RBFOX1: variants seen among roughly 807,000 people sequenced by gnomAD.
RBFOX1 encodes the protein RNA binding fox-1 homolog 1.
In RBFOX1, 8 loss-of-function variants were observed where a neutral mutation model predicts 57.7. That is an observed-to-expected ratio of 0.14 (90% CI 0.08 to 0.25). RBFOX1 has a LOEUF of 0.25. Ranked by LOEUF, RBFOX1 falls within the 10% of genes least tolerant of loss-of-function variation. The pLI is 1.00. For missense variants in RBFOX1, 611 were observed against 548.5 expected, an observed-to-expected ratio of 1.11 and a Z score of -1.14; for synonymous variants, 326 against 222.4, an observed-to-expected ratio of 1.47 and a Z score of -4.15.
intron 1 of RBFOX1, among the ~76,000 whole-genome samples, chr16:5,323,214 C>A (rs2049695): frequency 1 from 152,013 of 152,390 alleles, 75,820 homozygotes; most frequent in Non-Finnish European, 1. Context: ...GACTCAGTAC[C>A]TATGAGTAAA....
rs1267473146 is a variant in RBFOX1, at chr16:5,856,557, G to GTA, written c.319-10745_319-10744insAT. 5.1e-4 allele frequency among the ~76,000 whole-genome samples: 30 copies of GTA among 58,666 alleles called. 1 individual carries two copies. Among genetic ancestry groups the GTA allele is most frequent in the African/African-American group, 1.7e-3 (26 of 15,146 alleles). 38.5% of individuals were successfully genotyped at this position (58,666 alleles called of 152,430 possible). ...TGTGTATGTGTGTGTGTGTGTGTGT[G>GTA]TGTGTATGTGTGTGTGTGTATATAT... On this transcript the variant is annotated intron_variant, in intron 3 of 19. Coordinates refer to the RBFOX1 transcript ENST00000641259.
At chr16:5,639,834 T>C (rs1002662840) in intron 3 of RBFOX1, among the ~76,000 whole-genome samples, 38 of 152,204 alleles carry the variant, frequency 2.5e-4, no homozygotes, top group African/African-American at 9.2e-4. Flanking sequence ...GTTATGATTG[T>C]GAGTTTCTTC....
chr16:6,636,841 A>G (rs1567982307), intron 2 of RBFOX1, among the ~76,000 whole-genome samples: 2 of 122,604 alleles, frequency 1.6e-5, no homozygotes, highest in Non-Finnish European at 1.6e-5. Context: ...TATATAATAT[A>G]TAATATATAT....
At chr16:6,857,990 A>T (rs1042469802) in intron 3 of RBFOX1, among the ~76,000 whole-genome samples, 1 of 152,176 alleles carries the variant, frequency 6.6e-6, no homozygotes, top group African/African-American at 2.4e-5. Context: ...TGAGAGGGAG[A>T]TTCTAAACCA....
At chr16:7,160,512 TATAC>T (rs1417141828) in intron 4 of RBFOX1, among the ~76,000 whole-genome samples, 2 of 152,200 alleles carry the variant, frequency 1.3e-5, no homozygotes, top group Non-Finnish European at 2.9e-5. Flanking sequence ...TAAAAACTGT[TATAC>T]ATATTTTTTT....
intron 2 of RBFOX1, among the ~76,000 whole-genome samples, chr16:6,598,877 T>A (rs7201908): frequency 1.3e-5 from 2 of 152,208 alleles, no homozygotes; most frequent in East Asian, 3.9e-4. Flanking sequence ...ATCCAGGAGA[T>A]GGAAGTTACA....
chr16:7,465,804 C>T (rs1301518871), intron 4 of RBFOX1, among the ~76,000 whole-genome samples: 2 of 152,128 alleles, frequency 1.3e-5, no homozygotes, highest in Non-Finnish European at 2.9e-5. Context: ...AACAGGCAAC[C>T]CAGGTAATTC....
At chr16:6,133,912 C>G (rs931036179) in intron 1 of RBFOX1, among the ~76,000 whole-genome samples, 4 of 151,802 alleles carry the variant, frequency 2.6e-5, no homozygotes, top group East Asian at 1.9e-4. Context: ...GGACATTCCT[C>G]TTTTATATAA....
intron 1 of RBFOX1, among the ~76,000 whole-genome samples, chr16:6,040,534 G>C (rs968970580): frequency 1.3e-5 from 2 of 152,004 alleles, no homozygotes; most frequent in Non-Finnish European, 2.9e-5. Context: ...GCAAGTGTGA[G>C]GGTGTGAATT....
intron 4 of RBFOX1, among the ~76,000 whole-genome samples, chr16:7,506,387 C>A (rs1356386706): frequency 6.6e-6 from 1 of 151,866 alleles, no homozygotes; most frequent in African/African-American, 2.4e-5. Context: ...TCCCACCTAG[C>A]TTGAAAAAGA....
chr16:7,396,441 C>T (rs2098140283), intron 4 of RBFOX1, among the ~76,000 whole-genome samples: 2 of 151,990 alleles, frequency 1.3e-5, no homozygotes, highest in African/African-American at 4.8e-5. Context: ...CACAGACTCC[C>T]ACCCTGAAGG....
At chr16:5,812,976 TATAC>T (rs1247576544) in intron 3 of RBFOX1, among the ~76,000 whole-genome samples, 2 of 152,034 alleles carry the variant, frequency 1.3e-5, no homozygotes, top group African/African-American at 4.8e-5. Flanking sequence ...TTGTGATACA[TATAC>T]ATAACATAAA....
intron 4 of RBFOX1, among the ~76,000 whole-genome samples, chr16:7,143,123 T>C (rs1051149724): frequency 1.3e-5 from 2 of 152,126 alleles, no homozygotes; most frequent in Non-Finnish European, 2.9e-5. Flanking sequence ...TCCATTTATT[T>C]TTATGTTGGG....
chr16:6,548,874 G>C (rs1191916678), intron 2 of RBFOX1, among the ~76,000 whole-genome samples: 1 of 151,754 alleles, frequency 6.6e-6, no homozygotes, highest in African/African-American at 2.4e-5. Flanking sequence ...TCAGGAGTTG[G>C]AGACCAGCCT....
intron 4 of RBFOX1, among the ~76,000 whole-genome samples, chr16:7,151,513 T>G (rs1393614012): frequency 6.6e-6 from 1 of 152,160 alleles, no homozygotes; most frequent in Non-Finnish European, 1.5e-5. Flanking sequence ...CAGGGCTACT[T>G]GTAGCCTCTA....
At chr16:6,375,608 A>G (rs1002221518) in intron 2 of RBFOX1, among the ~76,000 whole-genome samples, 1 of 152,058 alleles carries the variant, frequency 6.6e-6, no homozygotes, top group Non-Finnish European at 1.5e-5. Flanking sequence ...TAATGTGTGG[A>G]ATCATGTGAT....
chr16:7,190,047 G>A (rs1404279130), intron 4 of RBFOX1, among the ~76,000 whole-genome samples: 2 of 152,160 alleles, frequency 1.3e-5, no homozygotes, highest in Admixed American at 1.3e-4. Context: ...TACTGGCAGG[G>A]CTAGCACAGT....
chr16:7,254,854 G>C (rs554641606), intron 4 of RBFOX1, among the ~76,000 whole-genome samples: 4 of 152,126 alleles, frequency 2.6e-5, no homozygotes, highest in Non-Finnish European at 5.9e-5. Flanking sequence ...GAGTGATTTT[G>C]GTCTGAAATA....
intron 5 of RBFOX1, among the ~76,000 whole-genome samples, chr16:7,540,999 A>G (rs1257903239): frequency 6.6e-6 from 1 of 152,172 alleles, no homozygotes; most frequent in Non-Finnish European, 1.5e-5. Context: ...TCAGAGGTTC[A>G]AGTGAGAGAC....
Sources: allele counts gnomAD v4.1 joint callset (sites outside exome capture counted in the v4.1 genomes callset), GRCh38; gene constraint gnomAD v4.1.1; transcripts MANE v1.5; gene names NCBI Gene and HGNC (gene_info 2026-07-23, HGNC 2026-07-21).